Variants in XNDC1N observed in about 807,000 individuals in gnomAD.
XNDC1N encodes the protein protein XNDC1N.
the XNDC1N span, among the ~76,000 whole-genome samples, chr11:71,874,613 C>T: frequency 7.3e-4 from 111 of 152,180 alleles, no homozygotes; most frequent in African/African-American, 2.5e-3. Context: ...TTTTTTTATT[C>T]TGAAACTTAT....
At chr11:71,881,387 G>T in the XNDC1N span, among the ~76,000 whole-genome samples, 2 of 152,092 alleles carry the variant, frequency 1.3e-5, no homozygotes, top group African/African-American at 4.8e-5. Flanking sequence ...CACATAATGG[G>T]TGCCTTAAAT....
the XNDC1N span, among the ~76,000 whole-genome samples, chr11:71,902,108 AAT>A: frequency 3.9e-5 from 6 of 152,126 alleles, no homozygotes; most frequent in African/African-American, 9.7e-5. Context: ...GCAAACGTCA[AAT>A]ATATGTTAAT....
chr11:71,927,570 C>G, the XNDC1N span: 8 of 150,898 alleles, frequency 5.3e-5, no homozygotes, highest in African/African-American at 1.9e-4. Context: ...AAACACAATA[C>G]AATACTATAT....
At chr11:71,894,702 C>T in the XNDC1N span, among the ~76,000 whole-genome samples, 1 of 152,222 alleles carries the variant, frequency 6.6e-6, no homozygotes, top group Non-Finnish European at 1.5e-5. Flanking sequence ...TTTTCATATA[C>T]ACGAAGTCCT....
the XNDC1N span, among the ~76,000 whole-genome samples, chr11:71,900,029 G>A: frequency 6.6e-6 from 1 of 152,250 alleles, no homozygotes; most frequent in Non-Finnish European, 1.5e-5. Flanking sequence ...GAGATGTTTG[G>A]GTGGAGAGAA....
chr11:71,901,084 G>A, the XNDC1N span, among the ~76,000 whole-genome samples: 1 of 152,160 alleles, frequency 6.6e-6, no homozygotes, highest in Non-Finnish European at 1.5e-5. Context: ...AGTATGGAAA[G>A]GACAGCTGAG....
chr11:71,868,636 G>C, the XNDC1N span, among the ~76,000 whole-genome samples: 1 of 152,196 alleles, frequency 6.6e-6, no homozygotes, highest in Non-Finnish European at 1.5e-5. Context: ...TAGAGTTGCA[G>C]CTTAACAGTC....
At chr11:71,902,517 C>T in the XNDC1N span, among the ~76,000 whole-genome samples, 1 of 152,180 alleles carries the variant, frequency 6.6e-6, no homozygotes, top group Admixed American at 6.5e-5. Flanking sequence ...ACTCTAAGTC[C>T]ACCTAAGCTA....
At chr11:71,917,837 C>T in the XNDC1N span, 197 of 686,500 alleles carry the variant, frequency 2.9e-4, 1 homozygote, top group East Asian at 3.7e-3. Flanking sequence ...CAAAGGAATA[C>T]GGTGGAAGGA....
chr11:71,905,660 C>T, the XNDC1N span, among the ~76,000 whole-genome samples: 2 of 151,774 alleles, frequency 1.3e-5, no homozygotes, highest in Non-Finnish European at 2.9e-5. Context: ...TGGTGTACAC[C>T]CACTGTGTTA....
chr11:71,891,543 C>A, the XNDC1N span, among the ~76,000 whole-genome samples: 2 of 152,038 alleles, frequency 1.3e-5, no homozygotes, highest in African/African-American at 4.8e-5. Context: ...TAATATGATC[C>A]TCTCCCGACC....
chr11:71,888,886 A>G, the XNDC1N span, among the ~76,000 whole-genome samples: 4 of 152,244 alleles, frequency 2.6e-5, no homozygotes, highest in Admixed American at 2.6e-4. Context: ...TCCCGGTATC[A>G]AAGAGCCCTG....
At chr11:71,884,380 C>T in the XNDC1N span, 2 of 1,552,604 alleles carry the variant, frequency 1.3e-6, no homozygotes, top group African/African-American at 1.4e-5. Flanking sequence ...AATATTGTGT[C>T]ATATAATTTG....
the XNDC1N span, among the ~76,000 whole-genome samples, chr11:71,896,630 C>G: frequency 6.6e-6 from 1 of 152,224 alleles, no homozygotes; most frequent in Non-Finnish European, 1.5e-5. Context: ...ATGGTGCAAT[C>G]TTGGCTCACC....
At chr11:71,911,114 G>C in the XNDC1N span, among the ~76,000 whole-genome samples, 1 of 152,224 alleles carries the variant, frequency 6.6e-6, no homozygotes, top group African/African-American at 2.4e-5. Flanking sequence ...CCTGTTGGAG[G>C]GCCTTGGCAG....
the XNDC1N span, among the ~76,000 whole-genome samples, chr11:71,892,537 G>A: frequency 8.5e-3 from 1,289 of 151,860 alleles, 9 homozygotes; most frequent in African/African-American, 0.03. Context: ...CAGGGTGTAC[G>A]CCCACTCTAC....
At chr11:71,900,883 A>G in the XNDC1N span, among the ~76,000 whole-genome samples, 1 of 152,226 alleles carries the variant, frequency 6.6e-6, no homozygotes, top group Non-Finnish European at 1.5e-5. Context: ...GAGGTCAAAA[A>G]GGGTGAAGTC....
the XNDC1N span, among the ~76,000 whole-genome samples, chr11:71,912,782 A>G: frequency 3.3e-5 from 5 of 152,156 alleles, no homozygotes; most frequent in Admixed American, 1.3e-4. Context: ...TTGCTGTCAT[A>G]TAATTGTCTC....
chr11:71,877,949 C>T, the XNDC1N span, among the ~76,000 whole-genome samples: 2 of 152,230 alleles, frequency 1.3e-5, no homozygotes, highest in South Asian at 4.1e-4. Flanking sequence ...CTCATTCGAT[C>T]GATTGGACAG....
Sources: gnomAD v4.1 joint callset for allele counts (sites outside exome capture counted in the v4.1 genomes callset) on GRCh38, gnomAD v4.1.1 for gene constraint, MANE v1.5 for transcripts, NCBI Gene and HGNC (gene_info 2026-07-23, HGNC 2026-07-21) for gene names.